The following CSTL1 variants were observed in gnomAD, a reference collection of about 807,000 sequenced individuals.
CSTL1 encodes cystatin like 1.
Under a neutral mutation model 14.4 loss-of-function variants are expected in CSTL1, and 14 were observed. The observed-to-expected ratio is 0.97, with a 90% CI of 0.64 to 1.52. The LOEUF is 1.52. Ranked by LOEUF, CSTL1 falls within the 40% of genes most tolerant of loss-of-function variation. CSTL1 has a pLI of 0.00. For synonymous variants in CSTL1, 72 were observed against 67.5 expected (o/e 1.07, Z -0.33); for missense variants, 170 against 168.7 (o/e 1.01, Z -0.04).
At chr20:23,456,803 C>T in the CSTL1 span, among the ~76,000 whole-genome samples, 1 of 152,104 alleles carries the variant, frequency 6.6e-6, no homozygotes, top group African/African-American at 2.4e-5. Context: ...GGCTTCTGGC[C>T]CCTTCCTGCA....
chr20:23,443,667 C>T (rs1432219564), intron 2 of CSTL1, among the ~76,000 whole-genome samples: 3 of 152,178 alleles, frequency 2.0e-5, no homozygotes, highest in Non-Finnish European at 2.9e-5. Flanking sequence ...CTTGATGTTG[C>T]CTCTTCTGTC....
chr20:23,443,977 G>T lies in CSTL1; in HGVS notation c.263G>T (p.Trp88Leu), dbSNP rs147512873. The T allele has an allele frequency of 3.9e-5, 63 of 1,613,900 alleles. No homozygotes were observed. Among genetic ancestry groups the T allele is most frequent in the Admixed American group, 6.7e-5 (4 of 60,006 alleles). Reference protein sequence around the residue: ...VEYIVTVKIGWTKCKRNDTSN... With the variant: ...VEYIVTVKIGLTKCKRNDTSN... Reference sequence around the variant, plus strand: ...TATATAGTCACTGTGAAGATTGGCTGGACCAAATGCAAGAGGAATGACACG... The same window carrying T: ...TATATAGTCACTGTGAAGATTGGCTTGACCAAATGCAAGAGGAATGACACG... Residue 88 changes from tryptophan to leucine, a missense_variant, in exon 3 of 4, where the codon TGG (tryptophan) becomes TTG (leucine). By Grantham distance (61) the Trp-to-Leu change is moderately conservative. Coordinates refer to ENST00000347397, the MANE Select transcript of CSTL1 (RefSeq NM_138283.1).
At chr20:23,440,642 T>C (rs1986807968) in intron 2 of CSTL1, 156 bp downstream of exon 2, 7 of 726,228 alleles carry the variant, frequency 9.6e-6, no homozygotes, top group Non-Finnish European at 1.8e-5. Context: ...CATTGTAGAG[T>C]TGTTCAGATC....
downstream of CSTL1, among the ~76,000 whole-genome samples, chr20:23,447,771 G>A (rs1488276184): frequency 6.6e-6 from 1 of 152,098 alleles, no homozygotes; most frequent in African/African-American, 2.4e-5. Context: ...ACATACATGT[G>A]TTTCTATTGG....
At chr20:23,444,138 G>A in intron 3 of CSTL1, 94 bp downstream of exon 3, 1 of 1,009,592 alleles carries the variant, frequency 9.9e-7, no homozygotes, top group Non-Finnish European at 1.5e-6. Context: ...TGTGTGGATT[G>A]GGGCCAGCTG....
rs778469768 is a variant in CSTL1, at chr20:23,440,454, C to T, written c.187C>T (p.Arg63Ter). ...NNASNDTYLY[R>*]VQRLIRSQMQ... ...TGCCAGCAACGACACCTACTTATAT[C>T]GAGTCCAGAGGCTAATTCGAAGTCA... is the stretch of plus-strand genomic sequence containing the variant. Residue 63 changes from arginine to a stop codon, truncating the protein, a stop_gained, in exon 2 of 4, where the codon CGA (arginine) becomes TGA (stop). Coordinates refer to ENST00000347397, the MANE Select transcript of CSTL1 (RefSeq NM_138283.1). LOFTEE classifies it high-confidence loss of function. The T allele has an allele frequency of 5.6e-6, 9 of 1,613,800 alleles. No individual in the cohort carries two copies. The highest frequency in any genetic ancestry group is 3.3e-5 in the Admixed American group (2 of 60,008).
At chr20:23,446,481 C>T (rs1568636457), downstream of CSTL1, among the ~76,000 whole-genome samples, 1 of 152,046 alleles carries the variant, frequency 6.6e-6, no homozygotes, top group Non-Finnish European at 1.5e-5. Context: ...TAGTCTTGAT[C>T]TCCTGACCTG....
At chr20:23,444,105 T>C in intron 3 of CSTL1, 61 bp downstream of exon 3, 2 of 1,495,254 alleles carry the variant, frequency 1.3e-6, no homozygotes, top group Non-Finnish European at 1.9e-6. Context: ...AAGCAACAGC[T>C]AGAAGTTGGC....
chr20:23,446,128 A>G (rs1381282182), downstream of CSTL1, among the ~76,000 whole-genome samples: 2 of 152,246 alleles, frequency 1.3e-5, no homozygotes, highest in Admixed American at 1.3e-4. Context: ...ACTGCTGTAC[A>G]GAGAATGTAA....
Position 23,444,046 on chromosome 20 carries a change from T to C in CSTL1, c.330+2T>C, listed in dbSNP as rs78807201. The C allele has an allele frequency of 5.2e-4, 832 of 1,610,088 alleles. 16 individuals carry two copies. The East Asian group carries it at 0.018, about 35-fold the overall frequency. On this transcript the variant is annotated splice_donor_variant, in intron 3 of 3. Transcript: ENST00000347397. LOFTEE classifies it high-confidence loss of function. ...CTGCAAAGCAAGAAGCTGAGAAAGG[T>C]GTGTAGTGGAAGTCATCCCAAAGGG...
chr20:23,460,801 G>GC, the CSTL1 span, among the ~76,000 whole-genome samples: 1 of 152,090 alleles, frequency 6.6e-6, no homozygotes, highest in Non-Finnish European at 1.5e-5. Flanking sequence ...AAATTTTGGG[G>GC]CCCCAAGCTC....
downstream of CSTL1, among the ~76,000 whole-genome samples, chr20:23,446,355 A>G (rs1236444592): frequency 1.3e-5 from 2 of 151,660 alleles, no homozygotes; most frequent in Non-Finnish European, 2.9e-5. Context: ...TCCCAGGTTC[A>G]ACCAATTCTT....
downstream of CSTL1, among the ~76,000 whole-genome samples, chr20:23,447,698 C>T (rs1035182341): frequency 3.6e-4 from 55 of 152,040 alleles, no homozygotes; most frequent in Middle Eastern, 6.8e-3. Flanking sequence ...TGACCTCAGG[C>T]GATCCACCCG....
chr20:23,441,755 T>C (rs1204622798), intron 2 of CSTL1, among the ~76,000 whole-genome samples: 4 of 152,174 alleles, frequency 2.6e-5, no homozygotes, highest in South Asian at 4.1e-4. Context: ...TCCACAGATA[T>C]GGAGCTCGTA....
At chr20:23,452,911 T>C in the CSTL1 span, 1 of 880,732 alleles carries the variant, frequency 1.1e-6, no homozygotes, top group East Asian at 2.6e-5. Context: ...TAAGAGCAGC[T>C]GGTGGTGGAC....
chr20:23,449,985 T>C, the CSTL1 span, among the ~76,000 whole-genome samples: 1 of 152,194 alleles, frequency 6.6e-6, no homozygotes, highest in Non-Finnish European at 1.5e-5. Context: ...TCTCTCAACC[T>C]GGTTATCATA....
downstream of CSTL1, among the ~76,000 whole-genome samples, chr20:23,445,414 A>G (rs1324894134): frequency 2.6e-5 from 4 of 151,986 alleles, no homozygotes; most frequent in African/African-American, 9.7e-5. Flanking sequence ...CGCTTTGTCC[A>G]GCTAATTTTT....
downstream of CSTL1, among the ~76,000 whole-genome samples, chr20:23,447,895 GTTAC>G (rs1600274536): frequency 6.6e-6 from 1 of 152,104 alleles, no homozygotes; most frequent in African/African-American, 2.4e-5. Flanking sequence ...TTTTTCTAAT[GTTAC>G]TTACTTATCG....
At chr20:23,439,922 A>G (rs1986784651) in intron 1 of CSTL1, 116 bp downstream of exon 1, 2 of 297,328 alleles carry the variant, frequency 6.7e-6, no homozygotes, top group Non-Finnish European at 1.3e-5. Flanking sequence ...CTCTATCTAC[A>G]ACCCCAGCTC....
Sources: allele counts gnomAD v4.1 joint callset (sites outside exome capture counted in the v4.1 genomes callset), GRCh38; gene constraint gnomAD v4.1.1; transcripts MANE v1.5; gene names NCBI Gene and HGNC (gene_info 2026-07-23, HGNC 2026-07-21).